NINJ2: variants seen among roughly 807,000 people sequenced by gnomAD.
The protein encoded by NINJ2 is ninjurin 2.
NINJ2 carries 12 observed loss-of-function variants against 11.7 expected under a neutral mutation model. That is an observed-to-expected ratio of 1.02 (90% CI 0.66 to 1.66). The LOEUF is 1.66. Among genes scored for constraint, NINJ2 ranks in the 40% most tolerant of loss-of-function variants. The pLI, the probability that NINJ2 is intolerant of heterozygous loss-of-function variation, is 0.00. For missense variants in NINJ2, 187 were observed against 181.8 expected, an observed-to-expected ratio of 1.03 and a Z score of -0.16; for synonymous variants, 93 against 76.8, an observed-to-expected ratio of 1.21 and a Z score of -1.10.
At chr12:589,187 C>G (rs1947685168) in intron 1 of NINJ2, among the ~76,000 whole-genome samples, 1 of 152,052 alleles carries the variant, frequency 6.6e-6, no homozygotes, top group East Asian at 1.9e-4. Flanking sequence ...TACAACCACA[C>G]AATTAAATAC....
At chr12:653,693 C>CA (rs879090673) in intron 1 of NINJ2, among the ~76,000 whole-genome samples, 60 of 142,856 alleles carry the variant, frequency 4.2e-4, no homozygotes, top group Middle Eastern at 3.5e-3. Flanking sequence ...CCACCAAAGG[C>CA]AAAAAAAAAA....
chr12:622,409 CAAAAAAAAAAAA>C (rs1169331783), intron 1 of NINJ2, among the ~76,000 whole-genome samples: 8 of 47,438 alleles, frequency 1.7e-4, no homozygotes, highest in Admixed American at 3.2e-4. Context: ...GACTCCGTCT[CAAAAAAAAAAAA>C]AAAAAAAAAA....
intron 1 of NINJ2, among the ~76,000 whole-genome samples, chr12:582,609 G>A (rs1947572060): frequency 3.1e-5 from 1 of 32,494 alleles, no homozygotes; most frequent in Non-Finnish European, 5.3e-5. Context: ...ATGAATGGGC[G>A]CAGGCAGGCA....
chr12:620,504 A>G (rs1320091818), intron 1 of NINJ2, among the ~76,000 whole-genome samples: 1 of 152,244 alleles, frequency 6.6e-6, no homozygotes, highest in East Asian at 1.9e-4. Flanking sequence ...TTTAAGATAC[A>G]TGTAAAAAGT....
rs138233811 is a variant in NINJ2, at chr12:654,659, C to T, written c.33+8669G>A. 7.8e-4 allele frequency among the ~76,000 whole-genome samples: 118 copies of T among 151,936 alleles called. 1 individual carries two copies. The East Asian group carries it at 0.022, about 28-fold the overall frequency. ...CTTTAACCCTAGCACTTTGGGAGGC[C>T]GAGGTGGGTGGATCACCTGAGGTTG... On this transcript the variant is annotated intron_variant, in intron 1 of 3. Transcript: ENST00000305108.
At chr12:601,493 A>G (rs1031067535) in intron 1 of NINJ2, among the ~76,000 whole-genome samples, 1 of 151,546 alleles carries the variant, frequency 6.6e-6, no homozygotes, top group African/African-American at 2.4e-5. Flanking sequence ...GCTTACAGTG[A>G]GCCAAGATCA....
At chr12:661,370 C>T (rs12579728) in intron 1 of NINJ2, among the ~76,000 whole-genome samples, 33,365 of 152,074 alleles carry the variant, frequency 0.22, 3,724 homozygotes, top group South Asian at 0.27. Flanking sequence ...CGTAGGCCAC[C>T]GTGCCCAGCC....
At chr12:577,822 GTT>G (rs1007328293) in intron 1 of NINJ2, among the ~76,000 whole-genome samples, 1 of 151,934 alleles carries the variant, frequency 6.6e-6, no homozygotes, top group African/African-American at 2.4e-5. Context: ...CTCCCAAACT[GTT>G]GGGATTACAG....
chr12:572,074 G>A (rs1042438947), intron 1 of NINJ2, among the ~76,000 whole-genome samples: 5 of 152,252 alleles, frequency 3.3e-5, no homozygotes, highest in African/African-American at 9.6e-5. Flanking sequence ...TGAGCAATCC[G>A]GGCCGGGAGC....
intron 1 of NINJ2, chr12:644,026 C>T (rs998537137): frequency 6.5e-6 from 1 of 154,818 alleles, no homozygotes; most frequent in Admixed American, 6.5e-5. Context: ...GCGGAAGTGC[C>T]ACGGGCCGGC....
intron 1 of NINJ2, among the ~76,000 whole-genome samples, chr12:636,386 AATAAATAAATAG>A (rs1279211422): frequency 1.9e-5 from 2 of 102,864 alleles, no homozygotes; most frequent in African/African-American, 3.4e-5. Context: ...CAAATAAATA[AATAAATAAATAG>A]ATAAATAAAT....
chr12:649,553 A>ATATATATAT (rs1592118209), intron 1 of NINJ2, among the ~76,000 whole-genome samples: 7 of 146,416 alleles, frequency 4.8e-5, no homozygotes, highest in African/African-American at 1.2e-4. Context: ...ATATATATAT[A>ATATATATAT]GTAGCCCATG....
At chr12:662,217 G>T (rs1432154773) in intron 1 of NINJ2, among the ~76,000 whole-genome samples, 1 of 152,184 alleles carries the variant, frequency 6.6e-6, no homozygotes, top group Non-Finnish European at 1.5e-5. Context: ...CAAGCCTTGC[G>T]GTGGGACCGC....
intron 1 of NINJ2, among the ~76,000 whole-genome samples, chr12:586,825 T>A (rs1375308356): frequency 6.6e-6 from 1 of 152,138 alleles, no homozygotes; most frequent in Non-Finnish European, 1.5e-5. Flanking sequence ...GGTGTGGGGA[T>A]CCCTCTGCAG....
intron 1 of NINJ2, among the ~76,000 whole-genome samples, chr12:570,969 A>G (rs1409633659): frequency 1.3e-5 from 2 of 152,160 alleles, no homozygotes; most frequent in East Asian, 3.9e-4. Flanking sequence ...TCACAGAAGG[A>G]AGGACAGAAT....
At chr12:629,916 T>TATAC (rs1555166156) in intron 1 of NINJ2, among the ~76,000 whole-genome samples, 4 of 72,990 alleles carry the variant, frequency 5.5e-5, no homozygotes, top group Non-Finnish European at 9.0e-5. Context: ...TATATATATA[T>TATAC]ATATATGAAG....
At chr12:629,896 A>AAAAAAAAAAAAAT in intron 1 of NINJ2, among the ~76,000 whole-genome samples, 7 of 9,904 alleles carry the variant, frequency 7.1e-4, no homozygotes, top group African/African-American at 5.8e-4. Context: ...AAAAAAAAAA[A>AAAAAAAAAAAAAT]ATATATATAT....
At chr12:577,279 G>A (rs567644054) in intron 1 of NINJ2, among the ~76,000 whole-genome samples, 1 of 151,236 alleles carries the variant, frequency 6.6e-6, no homozygotes, top group East Asian at 1.9e-4. Context: ...GGCTGAGCAC[G>A]CTGAAGTTAA....
chr12:635,488 T>A (rs1315301201), intron 1 of NINJ2, among the ~76,000 whole-genome samples: 3 of 152,230 alleles, frequency 2.0e-5, no homozygotes, highest in Admixed American at 2.0e-4. Context: ...GAAAGGATAA[T>A]CTTTTCAGTA....
Sources: gnomAD v4.1 joint callset for allele counts (sites outside exome capture counted in the v4.1 genomes callset) on GRCh38, gnomAD v4.1.1 for gene constraint, MANE v1.5 for transcripts, NCBI Gene and HGNC (gene_info 2026-07-23, HGNC 2026-07-21) for gene names.